BRINP3: variants seen among roughly 807,000 people sequenced by gnomAD.
The protein encoded by BRINP3 is BMP/retinoic acid-inducible neural-specific protein 3.
A neutral mutation model predicts 71.0 loss-of-function variants in BRINP3; 19 were observed. That is an observed-to-expected ratio of 0.27 (90% confidence interval 0.19 to 0.39). The LOEUF (loss-of-function observed/expected upper bound fraction) is 0.39, where lower values mean the gene tolerates loss of function less well. Among genes scored for constraint, BRINP3 ranks in the 10% least tolerant of loss-of-function variants. The probability of loss-of-function intolerance (pLI) is 1.00; values close to 1 mark genes in which losing one functional copy is unlikely to be tolerated. For synonymous variants in BRINP3, 380 were observed against 337.7 expected (o/e 1.13, Z -1.37); for missense variants, 959 against 940.8 (o/e 1.02, Z -0.25).
At chr1:190,201,012 A>C (rs1476098771) in intron 6 of BRINP3, among the ~76,000 whole-genome samples, 2 of 152,166 alleles carry the variant, frequency 1.3e-5, no homozygotes, top group Non-Finnish European at 2.9e-5. Flanking sequence ...AAAGATACCC[A>C]AAAATGGGGA....
At position 190,098,093 on chromosome 1, in the gene BRINP3, G is replaced by T; in HGVS notation, c.2226C>A (p.Ile742=). The part of the protein sequence containing the change: ...LKLSTSEVVR[I]QSALQAFNAK... ...CATTAAACGCCTGCAGAGCAGATTG[G>T]ATCCTCACCACCTCACTAGTAGACA... Residue 742 remains isoleucine (I), a synonymous_variant, in exon 8 of 8, where the codon ATC becomes ATA. Transcript: ENST00000367462. The T allele has an allele frequency of 6.2e-7, 1 of 1,614,150 alleles. No individual in the cohort carries two copies. Among genetic ancestry groups the T allele is most frequent in the Non-Finnish European group, 8.5e-7 (1 of 1,180,022 alleles).
chr1:190,107,224 GACA>G (rs1652250640), intron 7 of BRINP3, among the ~76,000 whole-genome samples: 1 of 151,744 alleles, frequency 6.6e-6, no homozygotes, highest in South Asian at 2.1e-4. Flanking sequence ...TTTACATTCT[GACA>G]ACATCTAGTT....
intron 6 of BRINP3, among the ~76,000 whole-genome samples, chr1:190,170,772 C>G (rs1387376908): frequency 6.6e-6 from 1 of 152,044 alleles, no homozygotes; most frequent in African/African-American, 2.4e-5. Flanking sequence ...GTCAAAATAT[C>G]CTGCAATAAC....
intron 2 of BRINP3, among the ~76,000 whole-genome samples, chr1:190,351,658 C>A (rs891274605): frequency 6.6e-6 from 1 of 152,050 alleles, no homozygotes; most frequent in Non-Finnish European, 1.5e-5. Flanking sequence ...ATACAAGAAA[C>A]AATCACAGAA....
intron 3 of BRINP3, among the ~76,000 whole-genome samples, 189 bp from the exon 4 acceptor site, chr1:190,265,244 G>C (rs900056153): frequency 2.6e-5 from 4 of 151,916 alleles, no homozygotes; most frequent in Non-Finnish European, 4.4e-5. Flanking sequence ...TGGGATATTG[G>C]TCACTTTAAA....
chr1:190,187,920 T>G (rs188705127), intron 6 of BRINP3, among the ~76,000 whole-genome samples: 1 of 152,118 alleles, frequency 6.6e-6, no homozygotes, highest in Admixed American at 6.5e-5. Flanking sequence ...TTGAAAAATC[T>G]TATTGATATT....
chr1:190,451,830 T>C (rs1209717305), intron 2 of BRINP3, among the ~76,000 whole-genome samples: 1 of 152,254 alleles, frequency 6.6e-6, no homozygotes, highest in Non-Finnish European at 1.5e-5. Flanking sequence ...CTTGCCGTTC[T>C]ATATTTGGAG....
chr1:190,472,758 T>C (rs1418620673), intron 1 of BRINP3, among the ~76,000 whole-genome samples: 3 of 151,526 alleles, frequency 2.0e-5, no homozygotes, highest in Non-Finnish European at 4.4e-5. Context: ...TGCAAATAAA[T>C]ACACTTTTAT....
intron 2 of BRINP3, among the ~76,000 whole-genome samples, chr1:190,416,855 C>A (rs934215047): frequency 6.6e-6 from 1 of 152,048 alleles, no homozygotes; most frequent in African/African-American, 2.4e-5. Flanking sequence ...GCAGTGATAA[C>A]CTGTGCCTGT....
At chr1:190,152,182 T>C (rs1371717028) in intron 7 of BRINP3, among the ~76,000 whole-genome samples, 2 of 152,086 alleles carry the variant, frequency 1.3e-5, no homozygotes, top group Non-Finnish European at 2.9e-5. Flanking sequence ...TTTTAGATTG[T>C]TGTCAGTAAA....
chr1:190,282,915 A>G (rs1003413440), intron 2 of BRINP3, among the ~76,000 whole-genome samples: 2 of 152,040 alleles, frequency 1.3e-5, no homozygotes, highest in Admixed American at 6.6e-5. Context: ...AACTCTGCCG[A>G]GACAACAATT....
chr1:190,316,445 G>A (rs1340689963), intron 2 of BRINP3, among the ~76,000 whole-genome samples: 1 of 152,074 alleles, frequency 6.6e-6, no homozygotes, highest in African/African-American at 2.4e-5. Flanking sequence ...AAATTATTGG[G>A]TTTGAACAAG....
intron 2 of BRINP3, among the ~76,000 whole-genome samples, chr1:190,398,847 C>A (rs2102345241): frequency 6.6e-6 from 1 of 152,044 alleles, no homozygotes; most frequent in East Asian, 1.9e-4. Context: ...CCAAATCTTC[C>A]ACCCTTTTTA....
intron 2 of BRINP3, among the ~76,000 whole-genome samples, chr1:190,370,739 T>A (rs1669810029): frequency 6.6e-6 from 1 of 152,218 alleles, no homozygotes; most frequent in African/African-American, 2.4e-5. Flanking sequence ...CCTTTGCAGC[T>A]ACTCTGATCC....
At position 190,297,694 on chromosome 1, in the gene BRINP3, T is replaced by C. The variant is rs535732998; in HGVS notation, c.237-15944A>G. On this transcript the variant is annotated intron_variant, in intron 2 of 7. Transcript: ENST00000367462. Reference sequence around the variant, plus strand: ...ATTATGGATTATTCTAATTTTAAAATGTTGAACCAAACTTACAATGCTAGA... The same window carrying C: ...ATTATGGATTATTCTAATTTTAAAACGTTGAACCAAACTTACAATGCTAGA... Among the ~76,000 whole-genome samples the C allele has an allele frequency of 1.7e-3, 265 of 152,182 alleles. 1 individual carries two copies. The highest frequency in any genetic ancestry group is 3.1e-3 in the Non-Finnish European group (211 of 67,996).
chr1:190,267,616 T>TAAAC (rs1438757142), intron 3 of BRINP3, among the ~76,000 whole-genome samples: 1 of 151,976 alleles, frequency 6.6e-6, no homozygotes, highest in Non-Finnish European at 1.5e-5. Flanking sequence ...GTGGAAACGA[T>TAAAC]AAACACAACC....
intron 6 of BRINP3, among the ~76,000 whole-genome samples, chr1:190,224,534 G>A (rs949577820): frequency 1.3e-5 from 2 of 151,644 alleles, no homozygotes; most frequent in African/African-American, 2.4e-5. Flanking sequence ...AACTAAAAAC[G>A]AAATTATTTA....
intron 6 of BRINP3, among the ~76,000 whole-genome samples, chr1:190,180,734 G>A (rs2418886): frequency 0.12 from 18,796 of 151,952 alleles, 1,714 homozygotes; most frequent in South Asian, 0.26. Context: ...TTAGAAGTCA[G>A]TGTGTTAGCC....
intron 6 of BRINP3, among the ~76,000 whole-genome samples, chr1:190,195,432 C>T (rs988959510): frequency 6.6e-6 from 1 of 151,814 alleles, no homozygotes; most frequent in South Asian, 2.1e-4. Context: ...AAATGTAATC[C>T]TAGCCCTGCA....
Sources: gnomAD v4.1 joint callset for allele counts (sites outside exome capture counted in the v4.1 genomes callset) on GRCh38, gnomAD v4.1.1 for gene constraint, MANE v1.5 for transcripts, NCBI Gene and HGNC (gene_info 2026-07-23, HGNC 2026-07-21) for gene names.